The following GRID2 variants were observed in gnomAD, a reference collection of about 807,000 sequenced individuals.
GRID2 encodes glutamate ionotropic receptor delta type subunit 2.
A neutral mutation model predicts 114.8 loss-of-function variants in GRID2; 33 were observed. That is an observed-to-expected ratio of 0.29 (90% CI 0.22 to 0.38). The LOEUF (loss-of-function observed/expected upper bound fraction) is 0.38. Among genes scored for constraint, GRID2 ranks in the 10% least tolerant of loss-of-function variants. The probability of loss-of-function intolerance (pLI) is 1.00; values close to 1 mark genes in which losing one functional copy is unlikely to be tolerated. For missense variants in GRID2, 1,184 were observed against 1,257.7 expected, an observed-to-expected ratio of 0.94 and a Z score of 0.89; for synonymous variants, 505 against 449.9, an observed-to-expected ratio of 1.12 and a Z score of -1.55.
At chr4:93,330,758 G>A (rs1401279926) in intron 8 of GRID2, among the ~76,000 whole-genome samples, 1 of 151,964 alleles carries the variant, frequency 6.6e-6, no homozygotes, top group Non-Finnish European at 1.5e-5. Flanking sequence ...ACTCCATATA[G>A]ACAACCCTGT....
chr4:93,156,326 A>G (rs1332977875), intron 4 of GRID2, among the ~76,000 whole-genome samples: 1 of 151,862 alleles, frequency 6.6e-6, no homozygotes, highest in East Asian at 1.9e-4. Context: ...GTGAGAAATT[A>G]GTAAAAGATT....
intron 10 of GRID2, among the ~76,000 whole-genome samples, chr4:93,434,074 T>C (rs1720835553): frequency 6.6e-6 from 1 of 152,196 alleles, no homozygotes; most frequent in South Asian, 2.1e-4. Flanking sequence ...TGAGTCACAA[T>C]GTCCACATCA....
chr4:92,617,046 TTGTTTA>T (rs1174561239), intron 2 of GRID2, among the ~76,000 whole-genome samples: 1 of 151,428 alleles, frequency 6.6e-6, no homozygotes, highest in Non-Finnish European at 1.5e-5. Flanking sequence ...ACTTTATTAT[TTGTTTA>T]TGTTGGGAAC....
At chr4:92,625,074 T>A (rs1055793680) in intron 2 of GRID2, among the ~76,000 whole-genome samples, 1 of 151,722 alleles carries the variant, frequency 6.6e-6, no homozygotes, top group Non-Finnish European at 1.5e-5. Context: ...AGCCTGAAAG[T>A]ATATTTTTGT....
chr4:92,580,671 A>G (rs919571305), intron 1 of GRID2, among the ~76,000 whole-genome samples: 2 of 151,930 alleles, frequency 1.3e-5, no homozygotes, highest in Non-Finnish European at 2.9e-5. Flanking sequence ...CATTCACATT[A>G]TGGTTTCATA....
intron 2 of GRID2, among the ~76,000 whole-genome samples, chr4:93,007,329 T>C (rs1721643978): frequency 6.6e-6 from 1 of 152,086 alleles, no homozygotes; most frequent in Non-Finnish European, 1.5e-5. Flanking sequence ...AAATTTTTAG[T>C]TCTTAAGGAT....
chr4:92,768,296 T>C (rs1738364406), intron 2 of GRID2, among the ~76,000 whole-genome samples: 1 of 152,202 alleles, frequency 6.6e-6, no homozygotes, highest in African/African-American at 2.4e-5. Flanking sequence ...TTTATAATTA[T>C]TTTTTACCTT....
At chr4:92,629,480 A>G (rs983621916) in intron 2 of GRID2, among the ~76,000 whole-genome samples, 1 of 152,170 alleles carries the variant, frequency 6.6e-6, no homozygotes, top group African/African-American at 2.4e-5. Context: ...TATTCAATTA[A>G]GCACTGAGGT....
intron 2 of GRID2, among the ~76,000 whole-genome samples, chr4:92,967,157 C>A (rs1024204445): frequency 7.2e-5 from 11 of 151,900 alleles, no homozygotes; most frequent in African/African-American, 2.4e-4. Context: ...CAGCATCTCC[C>A]TCTAATAAAT....
intron 4 of GRID2, among the ~76,000 whole-genome samples, chr4:93,156,634 A>G (rs1010054534): frequency 1.3e-5 from 2 of 151,804 alleles, no homozygotes; most frequent in Non-Finnish European, 2.9e-5. Context: ...GAAAATGAGA[A>G]AAACAGAGAT....
chr4:93,212,474 A>G (rs1290017650), intron 5 of GRID2, among the ~76,000 whole-genome samples: 1 of 152,168 alleles, frequency 6.6e-6, no homozygotes, highest in East Asian at 1.9e-4. Context: ...TCCAGCTCAG[A>G]GCAGCCTTTC....
At chr4:92,943,686 T>A (rs1018095447) in intron 2 of GRID2, among the ~76,000 whole-genome samples, 1 of 152,310 alleles carries the variant, frequency 6.6e-6, no homozygotes, top group Non-Finnish European at 1.5e-5. Context: ...TTTTCTGCTC[T>A]GTTTTTTCCC....
At chr4:93,657,468 A>G (rs948560613) in intron 14 of GRID2, among the ~76,000 whole-genome samples, 3 of 152,160 alleles carry the variant, frequency 2.0e-5, no homozygotes, top group Admixed American at 6.5e-5. Context: ...TAAATACTCT[A>G]TCATGGAACT....
intron 2 of GRID2, among the ~76,000 whole-genome samples, chr4:92,978,123 A>G (rs560682461): frequency 9.8e-4 from 149 of 152,222 alleles, no homozygotes; most frequent in African/African-American, 3.5e-3. Context: ...GAGTGTGCCT[A>G]TGGAAAGGGC....
chr4:93,218,159 T>C, intron 6 of GRID2, among the ~76,000 whole-genome samples: 1 of 152,032 alleles, frequency 6.6e-6, no homozygotes, highest in South Asian at 2.1e-4. Context: ...CCAGGATCAT[T>C]ACCCTGTAAC....
intron 1 of GRID2, among the ~76,000 whole-genome samples, chr4:92,537,413 T>C (rs1018695768): frequency 2.0e-5 from 3 of 152,300 alleles, no homozygotes; most frequent in East Asian, 1.9e-4. Context: ...GTGAGCTGCA[T>C]TGAATGTGTC....
At chr4:92,848,918 G>T (rs550190913) in intron 2 of GRID2, among the ~76,000 whole-genome samples, 25 of 151,966 alleles carry the variant, frequency 1.6e-4, no homozygotes, top group African/African-American at 5.8e-4. Context: ...AAGCCAAAGA[G>T]AGAGGTCTTA....
chr4:93,724,910 G>A (rs1041945375), intron 14 of GRID2, among the ~76,000 whole-genome samples: 9 of 152,122 alleles, frequency 5.9e-5, no homozygotes, highest in African/African-American at 2.2e-4. Flanking sequence ...CTCCCGAGTA[G>A]CTGGGATTAT....
rs552886876 is a variant in GRID2, at chr4:93,379,578, A to G, written c.1246-16029A>G. Among the ~76,000 whole-genome samples, 4 of 152,284 alleles carry G rather than the reference A, an allele frequency of 2.6e-5. No homozygotes were observed. The East Asian group carries it at 5.8e-4, about 22-fold the overall frequency. ...GTCTAAGGGATAATAATCCCGCTAC[A>G]TATTTATTAAACTAATTACAACATA... On this transcript the variant is annotated intron_variant, in intron 8 of 15. Transcript: ENST00000282020.
Sources: gnomAD v4.1 joint callset for allele counts (sites outside exome capture counted in the v4.1 genomes callset) on GRCh38, gnomAD v4.1.1 for gene constraint, MANE v1.5 for transcripts, NCBI Gene and HGNC (gene_info 2026-07-23, HGNC 2026-07-21) for gene names.